UPP2: variants seen among roughly 807,000 people sequenced by gnomAD.
UPP2 encodes the protein UPase 2.
Under a neutral mutation model 26.7 loss-of-function variants are expected in UPP2, and 23 were observed. The observed-to-expected ratio is 0.86, with a 90% CI of 0.62 to 1.22. The LOEUF is 1.22. UPP2 is among the 50% of genes most tolerant of loss of function. The pLI is 0.00. For missense variants in UPP2, 387 were observed against 396.7 expected (o/e 0.98, Z 0.21); for synonymous variants, 127 against 141.3 (o/e 0.90, Z 0.72).
chr2:158,099,216 AGACTTCCTG>A, upstream of UPP2, among the ~76,000 whole-genome samples: 1 of 152,208 alleles, frequency 6.6e-6, no homozygotes, highest in East Asian at 1.9e-4. Flanking sequence ...AGCACTTCCT[AGACTTCCTG>A]GAGCATGGTG....
At chr2:158,038,223 T>TTG (rs1684032390) in intron 3 of UPP2, among the ~76,000 whole-genome samples, 1 of 152,230 alleles carries the variant, frequency 6.6e-6, no homozygotes, top group African/African-American at 2.4e-5. Context: ...TGGCTTCTCT[T>TTG]TCCTGGGCTT....
At chr2:158,093,271 T>TACAC (rs57028617) in intron 3 of UPP2, among the ~76,000 whole-genome samples, 5,685 of 137,452 alleles carry the variant, frequency 0.041, 251 homozygotes, top group African/African-American at 0.11. Flanking sequence ...AAAAGAAACA[T>TACAC]ACACACACAC....
intron 2 of UPP2, among the ~76,000 whole-genome samples, chr2:158,113,036 C>T (rs976276248): frequency 5.9e-5 from 9 of 152,136 alleles, no homozygotes; most frequent in African/African-American, 2.2e-4. Context: ...ATTAAAGCAG[C>T]CAGACCGAAA....
At chr2:158,118,596 T>C (rs1449064192) in intron 4 of UPP2, among the ~76,000 whole-genome samples, 3 of 152,024 alleles carry the variant, frequency 2.0e-5, no homozygotes, top group Non-Finnish European at 4.4e-5. Flanking sequence ...CTCAAAACTT[T>C]CAGCTTTTTC....
At chr2:158,036,616 A>G (rs939193827) in intron 3 of UPP2, among the ~76,000 whole-genome samples, 4 of 152,332 alleles carry the variant, frequency 2.6e-5, no homozygotes, top group East Asian at 3.9e-4. Flanking sequence ...AGCTGGTGTA[A>G]GTAAGGCTCT....
chr2:158,021,806 G>A (rs993452523), intron 3 of UPP2, among the ~76,000 whole-genome samples: 1 of 152,076 alleles, frequency 6.6e-6, no homozygotes, highest in Non-Finnish European at 1.5e-5. Context: ...AGACATAAAA[G>A]ACAAAACAGA....
At chr2:158,102,232 A>C in intron 1 of UPP2, 107 bp downstream of exon 1, 7 of 1,188,464 alleles carry the variant, frequency 5.9e-6, no homozygotes, top group South Asian at 3.4e-5. Context: ...AATTTCTTAA[A>C]TGTAGAGATT....
intron 2 of UPP2, among the ~76,000 whole-genome samples, chr2:158,107,505 A>C (rs1683220032): frequency 6.6e-6 from 1 of 152,054 alleles, no homozygotes; most frequent in Admixed American, 6.6e-5. Flanking sequence ...CACTAGGAGG[A>C]CCCTTTGAGT....
At chr2:158,013,007 T>A (rs1574245270) in intron 2 of UPP2, among the ~76,000 whole-genome samples, 1 of 151,390 alleles carries the variant, frequency 6.6e-6, no homozygotes, top group Admixed American at 6.6e-5. Context: ...GCTATTGTTA[T>A]TATTATTTTT....
intron 3 of UPP2, among the ~76,000 whole-genome samples, chr2:158,054,060 C>G (rs1388280212): frequency 6.6e-6 from 1 of 152,106 alleles, no homozygotes; most frequent in Non-Finnish European, 1.5e-5. Flanking sequence ...TACCTGAGGT[C>G]AGGAGTTCAA....
At chr2:158,097,334 C>T (rs939571639), upstream of UPP2, among the ~76,000 whole-genome samples, 3 of 151,950 alleles carry the variant, frequency 2.0e-5, no homozygotes, top group African/African-American at 4.8e-5. Flanking sequence ...TTGTTATTTT[C>T]TTAACTTTAA....
upstream of UPP2, among the ~76,000 whole-genome samples, chr2:158,097,720 C>T (rs761163792): frequency 6.6e-6 from 1 of 152,312 alleles, no homozygotes; most frequent in South Asian, 2.1e-4. Context: ...TCAGCTGCCA[C>T]CCCTCTGCCT....
intron 3 of UPP2, among the ~76,000 whole-genome samples, chr2:158,095,111 A>T (rs1012683872): frequency 6.6e-6 from 1 of 152,208 alleles, no homozygotes; most frequent in Non-Finnish European, 1.5e-5. Context: ...AAATTGCTCC[A>T]GACAGGGTGG....
intron 3 of UPP2, among the ~76,000 whole-genome samples, chr2:158,068,780 ATATATATATATATATATATATATTTTTTT>A (rs1682479702): frequency 1.3e-4 from 1 of 7,954 alleles, no homozygotes; most frequent in Non-Finnish European, 2.7e-4. Context: ...ATATATATAT[ATATATATATATATATATATATATTTTTTT>A]TTTTTTTTTT....
intron 6 of UPP2, among the ~76,000 whole-genome samples, chr2:158,127,156 A>G (rs1683711063): frequency 6.6e-6 from 1 of 152,144 alleles, no homozygotes; most frequent in Non-Finnish European, 1.5e-5. Flanking sequence ...AGTATTACAC[A>G]TCTCACCCTA....
chr2:158,129,468 G>T (rs1683764132), intron 6 of UPP2, among the ~76,000 whole-genome samples: 1 of 152,060 alleles, frequency 6.6e-6, no homozygotes, highest in South Asian at 2.1e-4. Flanking sequence ...CCTGCTCCTT[G>T]CTCAGAGGAT....
intron 3 of UPP2, among the ~76,000 whole-genome samples, chr2:158,080,042 C>A (rs567780143): frequency 1.6e-4 from 24 of 152,104 alleles, no homozygotes; most frequent in Non-Finnish European, 3.4e-4. Context: ...CCTTGACTCT[C>A]CGGAATTTCC....
intron 3 of UPP2, among the ~76,000 whole-genome samples, chr2:158,051,201 G>GTA (rs1205156540): frequency 9.0e-5 from 13 of 144,198 alleles, no homozygotes; most frequent in South Asian, 2.2e-4. Context: ...GTGTGTGTAT[G>GTA]TGTGTATAAT....
intron 3 of UPP2, among the ~76,000 whole-genome samples, chr2:158,055,307 T>A (rs1011409485): frequency 2.0e-5 from 3 of 152,122 alleles, no homozygotes; most frequent in African/African-American, 2.4e-5. Flanking sequence ...ATTAATCCAT[T>A]AGTCCATGAA....
Sources: allele counts gnomAD v4.1 joint callset (sites outside exome capture counted in the v4.1 genomes callset), GRCh38; gene constraint gnomAD v4.1.1; transcripts MANE v1.5; gene names NCBI Gene and HGNC (gene_info 2026-07-23, HGNC 2026-07-21).